Variants in USP7 observed in about 807,000 individuals in gnomAD.
USP7 encodes ubiquitin specific peptidase 7, also known as ubiquitin C-terminal hydrolase 7.
A neutral mutation model predicts 162.9 loss-of-function variants in USP7; 9 were observed. The ratio of observed to expected loss-of-function variants is 0.06; its 90% CI spans 0.03 to 0.10. USP7 has a LOEUF of 0.10. Ranked by LOEUF, USP7 falls within the 10% of genes least tolerant of loss-of-function variation. The probability of loss-of-function intolerance (pLI) is 1.00; values close to 1 mark genes in which losing one functional copy is unlikely to be tolerated. For synonymous variants in USP7, 562 were observed against 475.9 expected (o/e 1.18, Z -2.35); for missense variants, 715 against 1,373.7 (o/e 0.52, Z 7.58).
chr16:8,918,915 TGAG>T (rs1403993821), intron 6 of USP7, 113 bp downstream of exon 6: 12 of 986,270 alleles, frequency 1.2e-5, no homozygotes, highest in Non-Finnish European at 1.6e-6. Flanking sequence ...AGCAGCCATC[TGAG>T]GAGACAGGGC....
chr16:8,930,472 A>C lies in USP7; in HGVS notation c.80-75T>G, dbSNP rs113637481. On this transcript the variant is annotated intron_variant, in intron 1 of 30. Transcript: ENST00000344836. ...TAGAATAAGCAAAATATAAACTTATACTTTTGATGTTGCCTAATCATTAAT... is the reference window on the plus strand; with the variant it reads ...TAGAATAAGCAAAATATAAACTTATCCTTTTGATGTTGCCTAATCATTAAT... The C allele has an allele frequency of 3.7e-4, 384 of 1,030,276 alleles. No homozygotes were observed. In the African/African-American group the frequency reaches 5.2e-3, roughly 14 times the overall value. 63.8% of individuals were successfully genotyped at this position (1,030,276 alleles called of 1,614,324 possible).
At chr16:8,951,135 C>T (rs1363003726) in intron 1 of USP7, among the ~76,000 whole-genome samples, 3 of 152,158 alleles carry the variant, frequency 2.0e-5, no homozygotes, top group African/African-American at 7.2e-5. Flanking sequence ...AAAGTCAAAC[C>T]AAGTAAGGAT....
intron 1 of USP7, among the ~76,000 whole-genome samples, chr16:8,951,248 T>TA (rs1899532780): frequency 1.3e-3 from 1 of 758 alleles, no homozygotes; most frequent in Admixed American, 0.062. Context: ...ACATCATATA[T>TA]ATATTTAATC....
chr16:8,941,264 CTAT>C (rs1567240908), intron 1 of USP7, among the ~76,000 whole-genome samples: 1 of 152,214 alleles, frequency 6.6e-6, no homozygotes, highest in East Asian at 1.9e-4. Flanking sequence ...GAAAAATTAA[CTAT>C]GCTCAAACAT....
At position 8,926,546 on chromosome 16, in the gene USP7, A is replaced by G. The variant is rs550404922; in HGVS notation, c.185-3133T>C. Among the ~76,000 whole-genome samples, 3 of 152,208 alleles carry G rather than the reference A, an allele frequency of 2.0e-5. No homozygotes were observed. The South Asian group carries it at 6.2e-4, about 32-fold the overall frequency. The stretch of plus-strand genomic sequence containing the variant: ...AGTGGACTTGGAAATTAGCTTTCAC[A>G]GATACGGCCAGCCAGATTGTCCTCC... On this transcript the variant is annotated intron_variant, in intron 2 of 30. Transcript: ENST00000344836.
chr16:8,961,874 A>AG (rs1454865511), intron 1 of USP7, among the ~76,000 whole-genome samples: 1 of 152,226 alleles, frequency 6.6e-6, no homozygotes, highest in African/African-American at 2.4e-5. Context: ...CAAGTGAAAC[A>AG]GATAACCCAG....
chr16:8,898,925 G>C (rs954061309), intron 23 of USP7, among the ~76,000 whole-genome samples, 196 bp downstream of exon 23: 18 of 152,200 alleles, frequency 1.2e-4, no homozygotes, highest in African/African-American at 3.9e-4. Flanking sequence ...GTCTGGCTTT[G>C]GATGAGGCTG....
intron 2 of USP7, among the ~76,000 whole-genome samples, chr16:8,925,113 T>C (rs548384073): frequency 1.6e-4 from 24 of 152,306 alleles, no homozygotes; most frequent in African/African-American, 5.1e-4. Context: ...TTCTGCAAGG[T>C]AGACAAGAGA....
At chr16:8,916,969 TAAAAAAAA>T (rs34357840) in intron 7 of USP7, 49 bp downstream of exon 7, 8 of 1,295,454 alleles carry the variant, frequency 6.2e-6, no homozygotes, top group African/African-American at 4.8e-5. Context: ...TCACTTGTCC[TAAAAAAAA>T]AAAAAAAAAG....
intron 2 of USP7, among the ~76,000 whole-genome samples, chr16:8,928,214 T>C (rs1022104048): frequency 6.6e-6 from 1 of 152,300 alleles, no homozygotes; most frequent in African/African-American, 2.4e-5. Flanking sequence ...TACTAAGAAG[T>C]CTTCTGTGCA....
intron 1 of USP7, chr16:8,935,520 ATT>A (rs1422353256): frequency 2.6e-5 from 4 of 152,196 alleles, no homozygotes; most frequent in Admixed American, 6.5e-5. Flanking sequence ...CTATGGCACT[ATT>A]TTTGACACAA....
intron 11 of USP7, among the ~76,000 whole-genome samples, chr16:8,909,118 G>A (rs1056597126): frequency 6.6e-6 from 1 of 152,190 alleles, no homozygotes; most frequent in Admixed American, 6.5e-5. Flanking sequence ...AGCCTTCTAT[G>A]GGGACACCGG....
In USP7 at chr16:8,894,537, G is replaced by A. The variant is rs1422653447; in HGVS notation, c.3202+13C>T. On this transcript the variant is annotated intron_variant, in intron 30 of 30. Transcript: ENST00000344836. ...AAACCCACACCAGCCCCCGGGGGGG[G>A]GAGAACCCTTACCGGGCTGTGGCTC... 3 of 1,610,316 alleles carry A rather than the reference G, an allele frequency of 1.9e-6. No individual in the cohort carries two copies. Among genetic ancestry groups the A allele is most frequent in the Admixed American group, 1.7e-5 (1 of 59,748 alleles).
chr16:8,900,894 C>A (rs942150907), intron 20 of USP7, 96 bp downstream of exon 20: 8 of 1,276,906 alleles, frequency 6.3e-6, no homozygotes, highest in Non-Finnish European at 8.8e-6. Context: ...AGCTGGTAGA[C>A]CTAACACTGT....
chr16:8,935,945 C>T (rs965447975), intron 1 of USP7: 1 of 152,230 alleles, frequency 6.6e-6, no homozygotes, highest in African/African-American at 2.4e-5. Context: ...GCACGCGAAT[C>T]TAACCCCTGA....
intron 10 of USP7, among the ~76,000 whole-genome samples, chr16:8,913,674 C>CAA (rs1219027932): frequency 4.6e-5 from 7 of 152,060 alleles, no homozygotes; most frequent in African/African-American, 1.7e-4. Flanking sequence ...AATCCATATC[C>CAA]AAATTAAAAA....
At chr16:8,895,615 G>A in intron 27 of USP7, 27 bp downstream of exon 27, 1 of 1,568,890 alleles carries the variant, frequency 6.4e-7, no homozygotes, top group African/African-American at 1.4e-5. Context: ...AATTCTCTCT[G>A]GTGCCAACAG....
intron 25 of USP7, among the ~76,000 whole-genome samples, chr16:8,897,943 G>T (rs1045196993): frequency 6.6e-6 from 1 of 151,196 alleles, no homozygotes; most frequent in Non-Finnish European, 1.5e-5. Context: ...CTTCTGTTTG[G>T]AGCAAGCAGG....
chr16:8,910,580 C>T (rs564960730), intron 11 of USP7, among the ~76,000 whole-genome samples, 165 bp downstream of exon 11: 1 of 150,826 alleles, frequency 6.6e-6, no homozygotes, highest in South Asian at 2.1e-4. Context: ...CTCCCAACAT[C>T]CCCCTCTCCC....
Sources: gnomAD v4.1 joint callset for allele counts (sites outside exome capture counted in the v4.1 genomes callset) on GRCh38, gnomAD v4.1.1 for gene constraint, MANE v1.5 for transcripts, NCBI Gene and HGNC (gene_info 2026-07-23, HGNC 2026-07-21) for gene names.